FMNL2: variants seen among roughly 807,000 people sequenced by gnomAD.
FMNL2 encodes formin like 2, also known as formin-like protein 2.
In FMNL2, 51 loss-of-function variants were observed where a neutral mutation model predicts 130.2. The observed-to-expected ratio is 0.39, with a 90% CI of 0.31 to 0.49. FMNL2 has a LOEUF of 0.49. Among genes scored for constraint, FMNL2 ranks in the 20% least tolerant of loss-of-function variants. The probability of loss-of-function intolerance (pLI) is 0.85; values close to 1 mark genes in which losing one functional copy is unlikely to be tolerated. For synonymous variants in FMNL2, 465 were observed against 467.1 expected, an observed-to-expected ratio of 1.00 and a Z score of 0.06; for missense variants, 977 against 1,316.2, an observed-to-expected ratio of 0.74 and a Z score of 3.99.
chr2:152,419,638 T>C (rs369742784), intron 1 of FMNL2, among the ~76,000 whole-genome samples: 1 of 152,144 alleles, frequency 6.6e-6, no homozygotes, highest in Non-Finnish European at 1.5e-5. Context: ...TAATAGCTTT[T>C]TTCTGGGATC....
At chr2:152,546,122 G>T (rs531582851) in intron 3 of FMNL2, among the ~76,000 whole-genome samples, 1 of 152,136 alleles carries the variant, frequency 6.6e-6, no homozygotes, top group Non-Finnish European at 1.5e-5. Context: ...GTGCCCTTGT[G>T]CCTGATGGCA....
At chr2:152,645,395 C>G in intron 25 of FMNL2, 1 of 1,186,760 alleles carries the variant, frequency 8.4e-7, no homozygotes, top group Non-Finnish European at 1.1e-6. Context: ...CCCATTTTTT[C>G]TTAACCATCA....
intron 5 of FMNL2, among the ~76,000 whole-genome samples, chr2:152,559,444 C>T (rs1157266475): frequency 6.6e-6 from 1 of 152,170 alleles, no homozygotes; most frequent in African/African-American, 2.4e-5. Context: ...GCTGGGATTA[C>T]AGGCACCCAC....
chr2:152,396,051 G>A (rs1685376807), intron 1 of FMNL2, among the ~76,000 whole-genome samples: 1 of 152,206 alleles, frequency 6.6e-6, no homozygotes, highest in Admixed American at 6.5e-5. Context: ...GGATTCTGAA[G>A]TCTTTAACGT....
chr2:152,578,670 C>A, intron 7 of FMNL2: 1 of 348,968 alleles, frequency 2.9e-6, no homozygotes, highest in Non-Finnish European at 5.2e-6. Context: ...TCCTGAGTAG[C>A]TGGGACTGGA....
Position 152,637,624 on chromosome 2 carries a change from C to A in FMNL2, c.2896C>A (p.Pro966Thr). The change falls in exon 23 of 26, where the codon CCA (proline) becomes ACA (threonine). Residue 966 changes from proline (P) to threonine (T), a missense_variant. This residue lies in a region of FMNL2 where 168 missense variants were observed against 168.8 expected (regional missense o/e 1.00). Transcript: ENST00000288670. ...TTTTGGAGAAAACCCCAAGACAACA[C>A]CACCCTCTGTCTTCTTTCCTGTCTT... ...KYFGENPKTT[P>T]PSVFFPVFVR... 2 of 1,613,992 alleles carry A rather than the reference C, an allele frequency of 1.2e-6. No homozygotes were observed. Among genetic ancestry groups the A allele is most frequent in the Non-Finnish European group, 1.7e-6 (2 of 1,179,874 alleles).
At chr2:152,615,142 C>A in intron 12 of FMNL2, 142 bp downstream of exon 12, 1 of 873,382 alleles carries the variant, frequency 1.1e-6, no homozygotes, top group Non-Finnish European at 1.7e-6. Flanking sequence ...CTATCAGAAG[C>A]TGTTCTGTGT....
intron 1 of FMNL2, among the ~76,000 whole-genome samples, chr2:152,502,041 A>C (rs1323637514): frequency 6.6e-6 from 1 of 152,240 alleles, no homozygotes; most frequent in South Asian, 2.1e-4. Flanking sequence ...GAAAATGTTG[A>C]TGCCTTAACT....
intron 25 of FMNL2, chr2:152,645,648 C>G (rs1257272380): frequency 1.3e-5 from 6 of 472,524 alleles, no homozygotes; most frequent in Middle Eastern, 3.5e-4. Context: ...CCTCACATTC[C>G]AATGATGCAG....
intron 6 of FMNL2, among the ~76,000 whole-genome samples, chr2:152,564,775 G>C (rs1362364209): frequency 1.0e-4 from 1 of 9,814 alleles, no homozygotes; most frequent in Non-Finnish European, 2.8e-4. Flanking sequence ...ATACAAGGTT[G>C]GTTTTTTTTT....
chr2:152,416,784 A>C (rs1042942221), intron 1 of FMNL2, among the ~76,000 whole-genome samples: 1 of 152,250 alleles, frequency 6.6e-6, no homozygotes, highest in Non-Finnish European at 1.5e-5. Context: ...AAAGTGTCAC[A>C]GCCAAGGCAT....
chr2:152,549,017 A>G lies in FMNL2; in HGVS notation c.283-4A>G. 3 of 1,599,614 alleles carry G rather than the reference A, an allele frequency of 1.9e-6. No homozygotes were observed. Among genetic ancestry groups the G allele is most frequent in the Non-Finnish European group, 1.7e-6 (2 of 1,174,386 alleles). ...TTGTGAGAATATGTGTTCTTGAATT[A>G]TAGAAATTCAGACGGCGTGTTCAAG... On this transcript the variant is annotated splice_polypyrimidine_tract_variant and splice_region_variant and intron_variant, in intron 3 of 25. Coordinates refer to ENST00000288670, the MANE Select transcript of FMNL2 (RefSeq NM_052905.4).
intron 1 of FMNL2, among the ~76,000 whole-genome samples, chr2:152,491,352 GT>G (rs1209197986): frequency 2.6e-5 from 4 of 152,168 alleles, no homozygotes; most frequent in African/African-American, 9.7e-5. Flanking sequence ...AAGCTCTGGG[GT>G]TGCCGCCTAG....
In FMNL2 at chr2:152,619,552, G is replaced by GCCGCCA; in HGVS notation, c.1673_1674insGCCACC (p.Pro572_Pro573dup). On this transcript the variant is annotated inframe_insertion, in exon 15 of 26. Coordinates refer to ENST00000288670, the MANE Select transcript of FMNL2 (RefSeq NM_052905.4). ...CACCACCTATGCCACCGCCGCCGCC[G>GCCGCCA]CCCCCTCCTCCACCTCCTCCTCCCC... is the stretch of plus-strand genomic sequence containing the variant. 3 of 1,417,692 alleles carry GCCGCCA rather than the reference G, an allele frequency of 2.1e-6. No homozygotes were observed. The highest frequency in any genetic ancestry group is 4.5e-5 in the Admixed American group (2 of 44,686). The allele number at this position is 1,417,692 out of a possible 1,614,324, so 87.8% of individuals were successfully genotyped here. A position where few individuals can be genotyped will look rare whatever the true frequency, so the allele number is the denominator to read the frequency against.
chr2:152,497,780 A>G (rs533372085), intron 1 of FMNL2, among the ~76,000 whole-genome samples: 1 of 152,208 alleles, frequency 6.6e-6, no homozygotes, highest in Non-Finnish European at 1.5e-5. Context: ...AGGAGTTTGG[A>G]CATGGGTTAG....
At chr2:152,608,961 T>C (rs1412833306) in intron 10 of FMNL2, among the ~76,000 whole-genome samples, 1 of 113,196 alleles carries the variant, frequency 8.8e-6, no homozygotes, top group Admixed American at 9.8e-5. Flanking sequence ...TGTCAGCTGC[T>C]GGAGCCAAGC....
chr2:152,464,469 AC>A (rs1483318259), intron 1 of FMNL2, among the ~76,000 whole-genome samples: 1 of 151,964 alleles, frequency 6.6e-6, no homozygotes, highest in African/African-American at 2.4e-5. Flanking sequence ...TCAGGAATGT[AC>A]CCCCCTGATG....
intron 16 of FMNL2, among the ~76,000 whole-genome samples, 153 bp from the exon 17 acceptor site, chr2:152,626,372 T>C (rs2105919645): frequency 1.3e-5 from 2 of 152,278 alleles, no homozygotes; most frequent in Middle Eastern, 6.8e-3. Context: ...GAAGTTGTAC[T>C]ATAACAAAAA....
intron 4 of FMNL2, among the ~76,000 whole-genome samples, chr2:152,556,009 G>A (rs1046003971): frequency 3.3e-5 from 5 of 152,076 alleles, no homozygotes; most frequent in Non-Finnish European, 1.5e-5. Context: ...AAAGTTGCCC[G>A]TTTTTATCTT....
Sources: gnomAD v4.1 joint callset for allele counts (sites outside exome capture counted in the v4.1 genomes callset) on GRCh38, gnomAD v4.1.1 for gene constraint, gnomAD v4.1.1 regional missense constraint, MANE v1.5 for transcripts, NCBI Gene and HGNC (gene_info 2026-07-23, HGNC 2026-07-21) for gene names.